The following CAB39 variants were observed in gnomAD, a reference collection of about 807,000 sequenced individuals.
The protein encoded by CAB39 is calcium binding protein 39, also known as calcium-binding protein 39.
In CAB39, 8 loss-of-function variants were observed where a neutral mutation model predicts 40.0. The ratio of observed to expected loss-of-function variants is 0.20; its 90% CI spans 0.12 to 0.36. The LOEUF (loss-of-function observed/expected upper bound fraction) is 0.36, where lower values mean the gene tolerates loss of function less well. CAB39 is among the 10% of genes least tolerant of loss of function. The pLI, the probability that CAB39 is intolerant of heterozygous loss-of-function variation, is 1.00. For missense variants in CAB39, 270 were observed against 401.1 expected, an observed-to-expected ratio of 0.67 and a Z score of 2.79; for synonymous variants, 156 against 141.6, an observed-to-expected ratio of 1.10 and a Z score of -0.72.
chr2:230,795,821 T>G (rs1441891867), intron 4 of CAB39, among the ~76,000 whole-genome samples: 1 of 152,176 alleles, frequency 6.6e-6, no homozygotes, highest in East Asian at 1.9e-4. Context: ...CAAAATAGTC[T>G]CATTTTTTAG....
At chr2:230,722,070 C>T (rs1483247487) in intron 1 of CAB39, among the ~76,000 whole-genome samples, 20 of 149,336 alleles carry the variant, frequency 1.3e-4, no homozygotes, top group African/African-American at 4.4e-4. Context: ...TAATTTCAGC[C>T]TGCAGTGAGA....
At chr2:230,739,377 T>C (rs1318199938) in intron 1 of CAB39, among the ~76,000 whole-genome samples, 1 of 152,238 alleles carries the variant, frequency 6.6e-6, no homozygotes, top group Non-Finnish European at 1.5e-5. Flanking sequence ...TAAATCATTG[T>C]AGGTAAAACT....
intron 2 of CAB39, among the ~76,000 whole-genome samples, chr2:230,770,195 A>G (rs1302662651): frequency 2.6e-5 from 4 of 152,212 alleles, no homozygotes; most frequent in Admixed American, 2.6e-4. Flanking sequence ...ATAGAAAAAA[A>G]AAATTAAAAG....
At chr2:230,805,275 A>G (rs570770794) in intron 5 of CAB39, among the ~76,000 whole-genome samples, 1 of 152,264 alleles carries the variant, frequency 6.6e-6, no homozygotes, top group African/African-American at 2.4e-5. Context: ...GGGGAGGGAT[A>G]GCATTAAGAG....
intron 1 of CAB39, among the ~76,000 whole-genome samples, chr2:230,723,412 C>A (rs988635621): frequency 4.6e-5 from 7 of 152,156 alleles, no homozygotes; most frequent in African/African-American, 1.7e-4. Context: ...TGAACCTCCC[C>A]CAAACACAGG....
At position 230,817,870 on chromosome 2, in the gene CAB39, C is replaced by G; in HGVS notation, c.810C>G (p.Ile270Met). 1 of 1,612,684 alleles carries G rather than the reference C, an allele frequency of 6.2e-7. No individual in the cohort carries two copies. The highest frequency in any genetic ancestry group is 8.5e-7 in the Non-Finnish European group (1 of 1,179,590). The change falls in exon 8 of 9, where the codon ATC becomes ATG. Residue 270 changes from isoleucine to methionine, a missense_variant. Coordinates refer to ENST00000258418, the MANE Select transcript of CAB39 (RefSeq NM_016289.4). ...TGCTGCGAGACAAAAGTCGCAACAT[C>G]CAGTTTGAGGCCTTTCACGTTTTTA... ...MNLLRDKSRN[I>M]QFEAFHVFKV... is the part of the protein sequence containing the mutation.
intron 5 of CAB39, among the ~76,000 whole-genome samples, chr2:230,804,037 G>T (rs1409515127): frequency 2.6e-5 from 4 of 152,158 alleles, no homozygotes; most frequent in African/African-American, 9.7e-5. Flanking sequence ...CATGGCACTG[G>T]TACCAAAACA....
intron 1 of CAB39, among the ~76,000 whole-genome samples, chr2:230,735,533 G>A (rs1293328651): frequency 1.3e-5 from 2 of 151,338 alleles, no homozygotes; most frequent in Non-Finnish European, 2.9e-5. Context: ...GGGATGGGGG[G>A]GACAGAGTCT....
intron 2 of CAB39, among the ~76,000 whole-genome samples, chr2:230,762,396 C>T (rs1301985311): frequency 6.6e-6 from 1 of 152,228 alleles, no homozygotes; most frequent in Non-Finnish European, 1.5e-5. Flanking sequence ...AACTTGACCT[C>T]CCTCTCACAG....
chr2:230,777,800 C>A (rs1695620404), intron 2 of CAB39, among the ~76,000 whole-genome samples: 1 of 152,146 alleles, frequency 6.6e-6, no homozygotes, highest in African/African-American at 2.4e-5. Flanking sequence ...ACTTCTAATT[C>A]TTTGCTGTTG....
At chr2:230,809,703 A>AT (rs1260709160) in intron 5 of CAB39, among the ~76,000 whole-genome samples, 5 of 152,204 alleles carry the variant, frequency 3.3e-5, no homozygotes, top group African/African-American at 4.8e-5. Context: ...GTCGTTGTTA[A>AT]TTCTACGTTA....
intron 1 of CAB39, among the ~76,000 whole-genome samples, chr2:230,720,763 G>A (rs891190838): frequency 6.6e-6 from 1 of 152,144 alleles, no homozygotes; most frequent in African/African-American, 2.4e-5. Flanking sequence ...TAAAGGCCAG[G>A]CCTCAAGGAG....
chr2:230,760,892 A>G (rs1024689338), intron 2 of CAB39, among the ~76,000 whole-genome samples: 2 of 152,204 alleles, frequency 1.3e-5, no homozygotes, highest in Non-Finnish European at 2.9e-5. Context: ...TTTTAGCAGT[A>G]GCCTTCTTAC....
intron 2 of CAB39, among the ~76,000 whole-genome samples, chr2:230,787,505 G>A (rs1419781408): frequency 6.6e-6 from 1 of 152,216 alleles, no homozygotes; most frequent in African/African-American, 2.4e-5. Context: ...AGTCTTCATT[G>A]CAGTGTCATT....
In CAB39 at chr2:230,797,107, CA is replaced by C. The variant is rs571952737; in HGVS notation, c.399-1619del. Among the ~76,000 whole-genome samples the C allele has an allele frequency of 5.3e-5, 8 of 152,266 alleles. No individual in the cohort carries two copies. In the South Asian group the frequency reaches 1.7e-3, roughly 32 times the overall value. On this transcript the variant is annotated intron_variant, in intron 4 of 8. Transcript: ENST00000258418. ...TAGATTTATTATGACAGAGCTTGAA[CA>C]AAGGTGCTGGCTAGGAATCATTTCC...
At chr2:230,795,605 G>C (rs761984930) in intron 4 of CAB39, among the ~76,000 whole-genome samples, 1 of 152,080 alleles carries the variant, frequency 6.6e-6, no homozygotes, top group Non-Finnish European at 1.5e-5. Flanking sequence ...GGTGATGTTC[G>C]GATTGACCGG....
intron 5 of CAB39, among the ~76,000 whole-genome samples, chr2:230,802,198 A>G (rs2124970508): frequency 6.6e-6 from 1 of 152,322 alleles, no homozygotes; most frequent in South Asian, 2.1e-4. Flanking sequence ...AGAAATAAAT[A>G]CGTTCTTTGA....
rs951099292 is a variant in CAB39 at position 230,713,043 on chromosome 2, C to G, written c.-231C>G. 1 of 150,784 alleles carries G rather than the reference C, an allele frequency of 6.6e-6. No homozygotes were observed. The highest frequency in any genetic ancestry group is 1.5e-5 in the Non-Finnish European group (1 of 67,572). The allele number at this position is 150,784 out of a possible 1,614,324, so 9.3% of individuals were successfully genotyped here. A position where few individuals can be genotyped will look rare whatever the true frequency, so the allele number is the denominator to read the frequency against. Reference sequence around the variant, plus strand: ...GCAGCCGCGGGAGCCCCTGGGCAGCCGTCCGCCCGCGCAGCCGCCGCCGCC... The same window carrying G: ...GCAGCCGCGGGAGCCCCTGGGCAGCGGTCCGCCCGCGCAGCCGCCGCCGCC... On this transcript the variant is annotated 5_prime_UTR_variant, in exon 1 of 9. Transcript: ENST00000258418.
chr2:230,767,162 T>C (rs1695400719), intron 2 of CAB39, among the ~76,000 whole-genome samples: 1 of 152,196 alleles, frequency 6.6e-6, no homozygotes, highest in South Asian at 2.1e-4. Context: ...CAGATAGAAG[T>C]TCTACTCTGT....
Sources: allele counts gnomAD v4.1 joint callset (sites outside exome capture counted in the v4.1 genomes callset), GRCh38; gene constraint gnomAD v4.1.1; transcripts MANE v1.5; gene names NCBI Gene and HGNC (gene_info 2026-07-23, HGNC 2026-07-21).